Variants in DIP2C observed in about 807,000 individuals in gnomAD.
The protein encoded by DIP2C is DIP2 acetate--CoA ligase C (putative).
A neutral mutation model predicts 192.4 loss-of-function variants in DIP2C; 33 were observed. The ratio of observed to expected loss-of-function variants is 0.17; its 90% CI spans 0.13 to 0.23. DIP2C has a LOEUF of 0.23. DIP2C is among the 10% of genes least tolerant of loss of function. The pLI, the probability that DIP2C is intolerant of heterozygous loss-of-function variation, is 1.00. For missense variants in DIP2C, 1,537 were observed against 2,110.1 expected (o/e 0.73, Z 5.32); for synonymous variants, 979 against 864.1 (o/e 1.13, Z -2.33).
In DIP2C at chr10:636,197, A is replaced by G. The variant is rs1854825117; in HGVS notation, c.85+53297T>C. ...AATCCCCACAAGTCGACAGAACACC[A>G]ACGGCTCGTCGGCTCGTCGGCTCTT... On this transcript the variant is annotated intron_variant, in intron 1 of 36. Coordinates refer to ENST00000280886, the MANE Select transcript of DIP2C (RefSeq NM_014974.3). The surrounding 1 kb of genome is among the most constrained non-coding windows in gnomAD (Gnocchi z 4.6). Among the ~76,000 whole-genome samples the G allele has an allele frequency of 6.6e-6, 1 of 152,184 alleles. No individual in the cohort carries two copies. The highest frequency in any genetic ancestry group is 2.1e-4 in the South Asian group (1 of 4,832).
At chr10:589,037 G>A (rs1284706541) in intron 1 of DIP2C, among the ~76,000 whole-genome samples, 1 of 152,134 alleles carries the variant, frequency 6.6e-6, no homozygotes, top group Non-Finnish European at 1.5e-5. Flanking sequence ...CAGCAGGGGT[G>A]TAAAAAAATT....
At position 400,606 on chromosome 10, in the gene DIP2C, G is replaced by T. The variant is rs1273239396; in HGVS notation, c.1150-1387C>A. 7.1e-5 allele frequency among the ~76,000 whole-genome samples: 10 copies of T among 139,892 alleles called. No homozygotes were observed. The East Asian group carries it at 1.1e-3, about 15-fold the overall frequency. The allele number at this position is 139,892 out of a possible 152,430, so 91.8% of individuals were successfully genotyped here. ...TTCCTTATGGACAAGTTTGGTACGT[G>T]TTCATCAGCACATGAATCCTGTGAT... is the stretch of plus-strand genomic sequence containing the variant. On this transcript the variant is annotated intron_variant, in intron 9 of 36. Transcript: ENST00000280886.
chr10:641,338 T>A (rs1377699875), intron 1 of DIP2C, among the ~76,000 whole-genome samples: 2 of 152,082 alleles, frequency 1.3e-5, no homozygotes, highest in Non-Finnish European at 2.9e-5. Flanking sequence ...GTCACCAACC[T>A]ATTCCTGCAC....
chr10:323,768 A>T (rs1957134994), intron 31 of DIP2C, among the ~76,000 whole-genome samples: 1 of 152,192 alleles, frequency 6.6e-6, no homozygotes, highest in Non-Finnish European at 1.5e-5. Flanking sequence ...GAAAATTCAG[A>T]AACATTTCAG....
chr10:414,218 T>G, intron 7 of DIP2C, 108 bp from the exon 8 acceptor site: 9 of 1,280,790 alleles, frequency 7.0e-6, no homozygotes, highest in Non-Finnish European at 9.5e-6. Flanking sequence ...AGCTGTACAT[T>G]TATTAGCTGA....
intron 1 of DIP2C, among the ~76,000 whole-genome samples, chr10:522,459 C>T (rs577768262): frequency 6.6e-6 from 1 of 152,350 alleles, no homozygotes; most frequent in South Asian, 2.1e-4. Flanking sequence ...CTCCTGTGGT[C>T]GGAGTGCTTA....
rs150047964 is a variant in DIP2C, at chr10:356,553, G to C, written c.2905-47C>G. ...AGGATCAGGCTGTGCGGTTGGATCA[G>C]GCTGTGCGGGCTGAGGTGGGGCAAC... On this transcript the variant is annotated intron_variant, in intron 23 of 36. Coordinates refer to ENST00000280886, the MANE Select transcript of DIP2C (RefSeq NM_014974.3). 7.0e-5 allele frequency: 108 copies of C among 1,549,024 alleles called. No homozygotes were observed. The African/African-American group carries it at 1.3e-3, about 19-fold the overall frequency.
chr10:383,371 G>A (rs564278835), intron 16 of DIP2C, among the ~76,000 whole-genome samples: 17 of 152,192 alleles, frequency 1.1e-4, no homozygotes, highest in Admixed American at 2.0e-4. Flanking sequence ...TTTCATAAAT[G>A]TGGTCAGATA....
At chr10:617,020 T>G (rs1358639341) in intron 1 of DIP2C, among the ~76,000 whole-genome samples, 1 of 151,346 alleles carries the variant, frequency 6.6e-6, no homozygotes, top group Non-Finnish European at 1.5e-5. Context: ...AGATTTCACA[T>G]AAAATGCGTA....
At chr10:332,657 TCTTAA>T (rs1957554790) in intron 29 of DIP2C, among the ~76,000 whole-genome samples, 1 of 152,232 alleles carries the variant, frequency 6.6e-6, no homozygotes, top group African/African-American at 2.4e-5. Flanking sequence ...GTTCTTCAGA[TCTTAA>T]CTTCAAAAAG....
chr10:545,431 C>CA (rs1203537337), intron 1 of DIP2C, among the ~76,000 whole-genome samples: 2 of 152,140 alleles, frequency 1.3e-5, no homozygotes, highest in Non-Finnish European at 2.9e-5. Context: ...GCTGGGATTA[C>CA]AGGTGTGAGC....
rs111525275 is a variant in DIP2C, at chr10:588,050, C to T, written c.85+101444G>A. On this transcript the variant is annotated intron_variant, in intron 1 of 36. Transcript: ENST00000280886. ...CCTCAGCCCTGACCCTGCGGAAACC[C>T]CACATCCACACCAGGCACTGCCTCA... 4.4e-3 allele frequency among the ~76,000 whole-genome samples: 78 copies of T among 17,930 alleles called. 1 individual carries two copies. The highest frequency in any genetic ancestry group is 6.8e-3 in the Admixed American group (17 of 2,518). The allele number at this position is 17,930 out of a possible 152,430, so 11.8% of individuals were successfully genotyped here. A position where few individuals can be genotyped will look rare whatever the true frequency, so the allele number is the denominator to read the frequency against.
chr10:622,968 G>A (rs1853963881), intron 1 of DIP2C, among the ~76,000 whole-genome samples: 1 of 152,238 alleles, frequency 6.6e-6, no homozygotes, highest in Non-Finnish European at 1.5e-5. Flanking sequence ...CCTGATGGCT[G>A]TAATGTCTAA....
At chr10:531,818 C>T (rs1407804582) in intron 1 of DIP2C, among the ~76,000 whole-genome samples, 1 of 152,220 alleles carries the variant, frequency 6.6e-6, no homozygotes, top group East Asian at 1.9e-4. Flanking sequence ...AGAACACAGA[C>T]ACGCTGGGAG....
At chr10:404,138 G>A (rs182365220) in intron 9 of DIP2C, among the ~76,000 whole-genome samples, 1 of 151,842 alleles carries the variant, frequency 6.6e-6, no homozygotes, top group Non-Finnish European at 1.5e-5. Context: ...GGACAAGTTT[G>A]GTATGTGTTC....
intron 3 of DIP2C, among the ~76,000 whole-genome samples, chr10:453,292 G>C (rs1403062484): frequency 6.6e-6 from 1 of 152,174 alleles, no homozygotes; most frequent in Admixed American, 6.5e-5. Flanking sequence ...ATGAGAGGCC[G>C]TGGAATGGAA....
In DIP2C at chr10:363,314, G is replaced by A; in HGVS notation, c.2478-3C>T. The A allele has an allele frequency of 8.1e-6, 13 of 1,610,174 alleles. No individual in the cohort carries two copies. The highest frequency in any genetic ancestry group is 1.1e-5 in the Non-Finnish European group (13 of 1,179,818). The stretch of plus-strand genomic sequence containing the variant: ...CGGTCACCGAGAACACGGCTATCCT[G>A]CGGGGACACAGGAGCATGGTGAGCA... On this transcript the variant is annotated splice_region_variant and splice_polypyrimidine_tract_variant and intron_variant, in intron 20 of 36. Coordinates refer to ENST00000280886, the MANE Select transcript of DIP2C (RefSeq NM_014974.3). This position sits in a 1 kb window ranked among gnomAD's most constrained non-coding sequence, Gnocchi z 5.4.
chr10:349,716 G>C (rs1326434931), intron 24 of DIP2C, among the ~76,000 whole-genome samples: 2 of 152,168 alleles, frequency 1.3e-5, no homozygotes, highest in African/African-American at 4.8e-5. Flanking sequence ...GATATATTTA[G>C]AGTAACAAGC....
intron 1 of DIP2C, among the ~76,000 whole-genome samples, chr10:516,967 A>C (rs1588366625): frequency 6.6e-6 from 1 of 151,520 alleles, no homozygotes; most frequent in East Asian, 2.0e-4. Context: ...CATCCGCGGC[A>C]CTTCCCAGCA....
Sources: allele counts gnomAD v4.1 joint callset (sites outside exome capture counted in the v4.1 genomes callset), GRCh38; gene constraint gnomAD v4.1.1; non-coding constraint Gnocchi (gnomAD v3.1); transcripts MANE v1.5; gene names NCBI Gene and HGNC (gene_info 2026-07-23, HGNC 2026-07-21).